The following FAM3B variants were observed in gnomAD, a reference collection of about 807,000 sequenced individuals.
FAM3B encodes protein FAM3B.
Under a neutral mutation model 28.4 loss-of-function variants are expected in FAM3B, and 29 were observed. That is an observed-to-expected ratio of 1.02 (90% CI 0.76 to 1.39). The LOEUF is 1.39. FAM3B is among the 40% of genes most tolerant of loss of function. The probability of loss-of-function intolerance (pLI) is 0.00; values close to 1 mark genes in which losing one functional copy is unlikely to be tolerated. For synonymous variants in FAM3B, 91 were observed against 103.0 expected (o/e 0.88, Z 0.71); for missense variants, 266 against 293.9 (o/e 0.91, Z 0.69).
At chr21:41,339,277 C>T (rs999550085) in intron 3 of FAM3B, among the ~76,000 whole-genome samples, 2 of 151,998 alleles carry the variant, frequency 1.3e-5, no homozygotes, top group Admixed American at 1.3e-4. Context: ...CTTGAGTGGG[C>T]CCCATTTTTA....
chr21:41,325,656 A>T (rs1280213654), intron 2 of FAM3B, among the ~76,000 whole-genome samples: 1 of 152,218 alleles, frequency 6.6e-6, no homozygotes, highest in Non-Finnish European at 1.5e-5. Context: ...AAATTTGATC[A>T]TCCTGGAACT....
intron 1 of FAM3B, 108 bp downstream of exon 1, chr21:41,317,006 G>T: frequency 7.7e-6 from 8 of 1,034,160 alleles, no homozygotes; most frequent in Non-Finnish European, 1.0e-5. Flanking sequence ...AGCAAAAGCG[G>T]GAGGGCTGGT....
intron 1 of FAM3B, chr21:41,322,593 C>A (rs1449508261): frequency 4.2e-6 from 3 of 717,080 alleles, no homozygotes; most frequent in South Asian, 3.0e-5. Context: ...TTCAGGTTCA[C>A]GTTGGGCATG....
At position 41,326,789 on chromosome 21, in the gene FAM3B, C is replaced by T. The variant is rs71318566; in HGVS notation, c.163+3723C>T. ...GGCCTGTGTAGTAGGCCTGTGTACCCTGAGCCCCAGCCCCTGAGGCAGGAG... is the reference window on the plus strand; with the variant it reads ...GGCCTGTGTAGTAGGCCTGTGTACCTTGAGCCCCAGCCCCTGAGGCAGGAG... On this transcript the variant is annotated intron_variant, in intron 2 of 7. Transcript: ENST00000357985. This position sits in a 1 kb window ranked among gnomAD's most constrained non-coding sequence, Gnocchi z 4.0. Among the ~76,000 whole-genome samples the T allele has an allele frequency of 2.6e-5, 4 of 152,236 alleles. No individual in the cohort carries two copies. Among genetic ancestry groups the T allele is most frequent in the Non-Finnish European group, 4.4e-5 (3 of 68,036 alleles).
chr21:41,356,735 G>C (rs2145838569), intron 7 of FAM3B, among the ~76,000 whole-genome samples: 1 of 152,260 alleles, frequency 6.6e-6, no homozygotes, highest in African/African-American at 2.4e-5. Context: ...AGAAGACATA[G>C]TGTTCAATAG....
chr21:41,328,769 G>T lies in FAM3B; in HGVS notation c.163+5703G>T, dbSNP rs376506985. Among the ~76,000 whole-genome samples the T allele has an allele frequency of 4.6e-5, 7 of 152,332 alleles. No homozygotes were observed. The East Asian group carries it at 1.3e-3, about 29-fold the overall frequency. On this transcript the variant is annotated intron_variant, in intron 2 of 7. Coordinates refer to ENST00000357985, the MANE Select transcript of FAM3B (RefSeq NM_058186.4). Reference sequence around the variant, plus strand: ...AGCTGGAGTGTTGAGATGAGACGGGGCAGTCAAGGAGGAAGGTCTGAAGGA... The same window carrying T: ...AGCTGGAGTGTTGAGATGAGACGGGTCAGTCAAGGAGGAAGGTCTGAAGGA...
chr21:41,327,950 C>T (rs561013287), intron 2 of FAM3B, among the ~76,000 whole-genome samples: 4 of 152,166 alleles, frequency 2.6e-5, no homozygotes, highest in Admixed American at 6.5e-5. Flanking sequence ...TATAGAGGCG[C>T]GAGTCCTCTT....
chr21:41,345,538 G>A (rs1406303625), intron 4 of FAM3B, 148 bp from the exon 5 acceptor site: 18 of 543,102 alleles, frequency 3.3e-5, no homozygotes, highest in South Asian at 5.0e-5. Flanking sequence ...CAAGGGGCCC[G>A]CCCTGTCTCT....
chr21:41,338,468 GCAAGTACGC>G lies in FAM3B; in HGVS notation c.258_266del (p.Tyr87_Lys89del). 6.2e-7 allele frequency: 1 copy of G among 1,614,204 alleles called. No individual in the cohort carries two copies. The highest frequency in any genetic ancestry group is 8.5e-7 in the Non-Finnish European group (1 of 1,180,036). On this transcript the variant is annotated inframe_deletion, in exon 3 of 8. Coordinates refer to ENST00000357985, the MANE Select transcript of FAM3B (RefSeq NM_058186.4). Reference sequence around the variant, plus strand: ...AGGTTACTCAGCGGAGGTGGCAGAAGCAAGTACGCCAAAATCTGCTTTGAGGATAACCTG... The same window carrying G: ...AGGTTACTCAGCGGAGGTGGCAGAAGCAAAATCTGCTTTGAGGATAACCTG...
At chr21:41,312,931 C>A (rs962418512), upstream of FAM3B, among the ~76,000 whole-genome samples, 12 of 152,112 alleles carry the variant, frequency 7.9e-5, no homozygotes, top group African/African-American at 2.4e-4. Flanking sequence ...TTAGGGGAGG[C>A]CTTCAAGGAA....
chr21:41,350,981 AC>A (rs1016111918), intron 7 of FAM3B, among the ~76,000 whole-genome samples: 2 of 151,430 alleles, frequency 1.3e-5, no homozygotes, highest in Non-Finnish European at 2.9e-5. Context: ...CCACACAGGG[AC>A]CCCCCCATGC....
intron 2 of FAM3B, among the ~76,000 whole-genome samples, chr21:41,333,512 G>A (rs1406630112): frequency 2.6e-5 from 4 of 152,138 alleles, no homozygotes; most frequent in Non-Finnish European, 4.4e-5. Context: ...CTACCCCTTT[G>A]GCTTCTGCCA....
At chr21:41,305,004 G>T (rs2088675391) in intron 1 of FAM3B, among the ~76,000 whole-genome samples, 1 of 152,162 alleles carries the variant, frequency 6.6e-6, no homozygotes, top group Non-Finnish European at 1.5e-5. Context: ...GAACTGAAGG[G>T]ATGACGTGTG....
chr21:41,350,595 C>T (rs2145832511), intron 7 of FAM3B, among the ~76,000 whole-genome samples: 1 of 152,362 alleles, frequency 6.6e-6, no homozygotes, highest in South Asian at 2.1e-4. Flanking sequence ...ATCAATGTCT[C>T]TCCCAACTTG....
chr21:41,347,168 C>T (rs962640317), intron 6 of FAM3B, 68 bp downstream of exon 6: 21 of 1,285,352 alleles, frequency 1.6e-5, no homozygotes, highest in Non-Finnish European at 2.3e-5. Flanking sequence ...CTGCCAGGGT[C>T]TCTCAGTGAC....
At chr21:41,318,415 T>C (rs1487327414) in intron 1 of FAM3B, among the ~76,000 whole-genome samples, 1 of 152,134 alleles carries the variant, frequency 6.6e-6, no homozygotes, top group Non-Finnish European at 1.5e-5. Flanking sequence ...GTAGTGGGTA[T>C]CGTAATACCT....
intron 1 of FAM3B, among the ~76,000 whole-genome samples, chr21:41,321,719 G>C (rs1252215860): frequency 6.6e-6 from 1 of 152,230 alleles, no homozygotes; most frequent in Non-Finnish European, 1.5e-5. Context: ...GAAGCGCTGG[G>C]CCTCCAAGCA....
At chr21:41,348,488 GAA>G in intron 6 of FAM3B, 102 bp from the exon 7 acceptor site, 1 of 1,366,954 alleles carries the variant, frequency 7.3e-7, no homozygotes, top group Non-Finnish European at 1.0e-6. Context: ...AATGTGTTTA[GAA>G]ACCTCCATCC....
intron 2 of FAM3B, among the ~76,000 whole-genome samples, chr21:41,330,725 C>T (rs1447689858): frequency 1.3e-5 from 2 of 152,224 alleles, no homozygotes; most frequent in Non-Finnish European, 2.9e-5. Flanking sequence ...TTTCTGTTAG[C>T]ATACTGTCCT....
Sources: gnomAD v4.1 joint callset for allele counts (sites outside exome capture counted in the v4.1 genomes callset) on GRCh38, gnomAD v4.1.1 for gene constraint, Gnocchi (gnomAD v3.1) non-coding constraint, MANE v1.5 for transcripts, NCBI Gene and HGNC (gene_info 2026-07-23, HGNC 2026-07-21) for gene names.